Variants in C1QTNF3 observed in about 807,000 individuals in gnomAD.
The protein encoded by C1QTNF3 is complement C1q tumor necrosis factor-related protein 3.
C1QTNF3 carries 26 observed loss-of-function variants against 32.6 expected under a neutral mutation model. That is an observed-to-expected ratio of 0.80 (90% CI 0.58 to 1.11). The LOEUF is 1.11. C1QTNF3 is among the 50% of genes least tolerant of loss of function. The pLI, the probability that C1QTNF3 is intolerant of heterozygous loss-of-function variation, is 0.00. For missense variants in C1QTNF3, 362 were observed against 398.2 expected (o/e 0.91, Z 0.77); for synonymous variants, 155 against 146.0 (o/e 1.06, Z -0.44).
chr5:34,175,040 C>A, the C1QTNF3 span, among the ~76,000 whole-genome samples: 3 of 150,986 alleles, frequency 2.0e-5, no homozygotes, highest in African/African-American at 7.3e-5. Context: ...AGCCACCGTG[C>A]CCAGCTCCTT....
At position 34,019,456 on chromosome 5, in the gene C1QTNF3, C is replaced by A. The variant is rs569219193; in HGVS notation, c.*1127G>T. Reference sequence around the variant, plus strand: ...ATGTGATAAAAAACCTCTTTCCTTACAGGTATTCAGATTTTATTTGTGAGC... The same window carrying A: ...ATGTGATAAAAAACCTCTTTCCTTAAAGGTATTCAGATTTTATTTGTGAGC... On this transcript the variant is annotated 3_prime_UTR_variant, in exon 6 of 6. Transcript: ENST00000382065. 6.6e-6 allele frequency: 1 copy of A among 152,304 alleles called. No homozygotes were observed. Among genetic ancestry groups the A allele is most frequent in the African/African-American group, 2.4e-5 (1 of 41,570 alleles). 9.4% of individuals were successfully genotyped at this position (152,304 alleles called of 1,614,324 possible).
At chr5:34,103,181 C>T in the C1QTNF3 span, among the ~76,000 whole-genome samples, 1 of 152,160 alleles carries the variant, frequency 6.6e-6, no homozygotes. Flanking sequence ...TTTCAGTTGA[C>T]TTTCTATTCC....
At chr5:34,140,532 AAGTC>A in the C1QTNF3 span, among the ~76,000 whole-genome samples, 1 of 152,262 alleles carries the variant, frequency 6.6e-6, no homozygotes, top group South Asian at 2.1e-4. Context: ...TATGAGAAAT[AAGTC>A]AGACAACTAG....
chr5:34,024,712 GA>G (rs1278932477), intron 4 of C1QTNF3, among the ~76,000 whole-genome samples: 3 of 152,156 alleles, frequency 2.0e-5, no homozygotes, highest in African/African-American at 7.2e-5. Context: ...GCTCCTAATT[GA>G]AAGCAATATA....
chr5:34,079,332 A>G, the C1QTNF3 span, among the ~76,000 whole-genome samples: 3 of 151,608 alleles, frequency 2.0e-5, no homozygotes, highest in African/African-American at 7.3e-5. Flanking sequence ...TATGTACATA[A>G]AAGTGAAGAG....
the C1QTNF3 span, among the ~76,000 whole-genome samples, chr5:34,227,532 T>C: frequency 2.6e-5 from 4 of 151,856 alleles, no homozygotes; most frequent in Non-Finnish European, 4.4e-5. Flanking sequence ...TCACCTGTTA[T>C]CTTTTTCAAT....
chr5:34,143,594 T>C, the C1QTNF3 span, among the ~76,000 whole-genome samples: 1 of 152,154 alleles, frequency 6.6e-6, no homozygotes, highest in Non-Finnish European at 1.5e-5. Flanking sequence ...GACCTCTCAG[T>C]AGAAGTCTTA....
At chr5:34,062,073 C>G in the C1QTNF3 span, among the ~76,000 whole-genome samples, 2 of 152,332 alleles carry the variant, frequency 1.3e-5, no homozygotes, top group South Asian at 4.1e-4. Context: ...ACCAGATACC[C>G]TAAATCATCT....
At chr5:34,170,118 C>T in the C1QTNF3 span, among the ~76,000 whole-genome samples, 1 of 152,066 alleles carries the variant, frequency 6.6e-6, no homozygotes, top group Admixed American at 6.6e-5. Flanking sequence ...AGAAGAAAAT[C>T]CTGCCATTGG....
rs906533214 is a variant in C1QTNF3 at position 34,019,740 on chromosome 5, A to G, written c.*843T>C. On this transcript the variant is annotated 3_prime_UTR_variant, in exon 6 of 6. Coordinates refer to ENST00000382065, the MANE Select transcript of C1QTNF3 (RefSeq NM_181435.6). The stretch of plus-strand genomic sequence containing the variant: ...TTTATTTCCATATATTGCTCATTAC[A>G]TTTTTCTTGCCACAGTTTTATCTAA... 1.3e-5 allele frequency: 2 copies of G among 152,126 alleles called. No individual in the cohort carries two copies. The highest frequency in any genetic ancestry group is 6.6e-5 in the Admixed American group (1 of 15,254). 9.4% of individuals were successfully genotyped at this position (152,126 alleles called of 1,614,324 possible). A position where few individuals can be genotyped will look rare whatever the true frequency, so the allele number is the denominator to read the frequency against.
At chr5:34,233,473 G>A in the C1QTNF3 span, among the ~76,000 whole-genome samples, 73,919 of 145,058 alleles carry the variant, frequency 0.51, 21,941 homozygotes, top group Non-Finnish European at 0.66. Context: ...TTAGCTTGTG[G>A]TCTTTCATTT....
At chr5:34,051,193 C>A in the C1QTNF3 span, among the ~76,000 whole-genome samples, 2 of 152,180 alleles carry the variant, frequency 1.3e-5, no homozygotes, top group Non-Finnish European at 2.9e-5. Context: ...GATAGCAGAG[C>A]AGAAAGATGG....
At chr5:34,201,681 C>T in the C1QTNF3 span, among the ~76,000 whole-genome samples, 1 of 152,156 alleles carries the variant, frequency 6.6e-6, no homozygotes, top group East Asian at 1.9e-4. Flanking sequence ...GGTTAACTGT[C>T]TCCCCCTTTA....
chr5:34,175,164 C>T, the C1QTNF3 span, among the ~76,000 whole-genome samples: 1 of 151,856 alleles, frequency 6.6e-6, no homozygotes, highest in Non-Finnish European at 1.5e-5. Context: ...CTGCCTCAGC[C>T]TCCCAAGCAG....
At chr5:34,177,943 C>A in the C1QTNF3 span, among the ~76,000 whole-genome samples, 1 of 151,982 alleles carries the variant, frequency 6.6e-6, no homozygotes, top group Non-Finnish European at 1.5e-5. Context: ...TCTATCAATG[C>A]TGACCTAGAC....
chr5:34,159,926 ATAT>A, the C1QTNF3 span, among the ~76,000 whole-genome samples: 3 of 152,134 alleles, frequency 2.0e-5, no homozygotes, highest in African/African-American at 7.2e-5. Flanking sequence ...TTAAGGAGCA[ATAT>A]TATGAGTACA....
the C1QTNF3 span, among the ~76,000 whole-genome samples, chr5:34,210,479 C>T: frequency 4.6e-5 from 7 of 151,018 alleles, no homozygotes; most frequent in African/African-American, 9.7e-5. Context: ...GACTAAAAAT[C>T]GTAGTCTTTC....
the C1QTNF3 span, among the ~76,000 whole-genome samples, chr5:34,215,262 G>T: frequency 6.6e-6 from 1 of 152,008 alleles, no homozygotes; most frequent in Non-Finnish European, 1.5e-5. Flanking sequence ...CTAGACATAT[G>T]TCCTGTGTAA....
the C1QTNF3 span, chr5:34,168,051 G>A: frequency 1.8e-4 from 28 of 151,570 alleles, no homozygotes; most frequent in African/African-American, 6.1e-4. Context: ...CCTCTGCAGT[G>A]ACATAATGGC....
Sources: allele counts gnomAD v4.1 joint callset (sites outside exome capture counted in the v4.1 genomes callset), GRCh38; gene constraint gnomAD v4.1.1; transcripts MANE v1.5; gene names NCBI Gene and HGNC (gene_info 2026-07-23, HGNC 2026-07-21).